The following PTPN14 variants were observed in gnomAD, a reference collection of about 807,000 sequenced individuals.
The protein encoded by PTPN14 is protein tyrosine phosphatase non-receptor type 14.
A neutral mutation model predicts 126.8 loss-of-function variants in PTPN14; 53 were observed. That is an observed-to-expected ratio of 0.42 (90% CI 0.34 to 0.53). The LOEUF (loss-of-function observed/expected upper bound fraction) is 0.53. Among genes scored for constraint, PTPN14 ranks in the 20% least tolerant of loss-of-function variants. The pLI is 0.08. For missense variants in PTPN14, 1,257 were observed against 1,552.9 expected (o/e 0.81, Z 3.20); for synonymous variants, 630 against 599.3 (o/e 1.05, Z -0.75).
chr1:214,461,411 T>A (rs2102647824), intron 2 of PTPN14, among the ~76,000 whole-genome samples: 1 of 151,958 alleles, frequency 6.6e-6, no homozygotes, highest in Admixed American at 6.6e-5. Context: ...GGCGGGAGGA[T>A]CACTCGAGCC....
intron 1 of PTPN14, among the ~76,000 whole-genome samples, chr1:214,470,299 T>C (rs1043252016): frequency 2.0e-5 from 3 of 151,924 alleles, no homozygotes; most frequent in Admixed American, 2.0e-4. Context: ...AAGTAAAATA[T>C]AGATCATAAA....
At chr1:214,431,766 G>A (rs1257083144) in intron 3 of PTPN14, among the ~76,000 whole-genome samples, 2 of 152,162 alleles carry the variant, frequency 1.3e-5, no homozygotes, top group Non-Finnish European at 2.9e-5. Context: ...TGTGAAATCA[G>A]AATAATAGTA....
chr1:214,544,037 G>A (rs1263428279), intron 1 of PTPN14, among the ~76,000 whole-genome samples: 1 of 152,220 alleles, frequency 6.6e-6, no homozygotes, highest in Non-Finnish European at 1.5e-5. Context: ...CCCTACCAGA[G>A]AGGCTTGTAA....
At chr1:214,465,081 G>A (rs1036585445) in intron 1 of PTPN14, 124 bp from the exon 2 acceptor site, 2 of 400,428 alleles carry the variant, frequency 5.0e-6, no homozygotes, top group Non-Finnish European at 9.1e-6. Context: ...ACTCAGGTTT[G>A]ATAAGCTGCA....
intron 3 of PTPN14, among the ~76,000 whole-genome samples, chr1:214,438,780 T>TA (rs1659975503): frequency 6.6e-6 from 1 of 152,234 alleles, no homozygotes; most frequent in Admixed American, 6.5e-5. Flanking sequence ...AGGTGACTGA[T>TA]ACCAGCACAG....
intron 7 of PTPN14, among the ~76,000 whole-genome samples, chr1:214,400,251 AC>A (rs1178873854): frequency 6.6e-6 from 1 of 151,202 alleles, no homozygotes; most frequent in Admixed American, 6.6e-5. Flanking sequence ...CCACATTACC[AC>A]CCCCCACTGG....
At chr1:214,523,915 T>C (rs1184191246) in intron 1 of PTPN14, among the ~76,000 whole-genome samples, 2 of 148,514 alleles carry the variant, frequency 1.3e-5, no homozygotes, top group African/African-American at 2.5e-5. Flanking sequence ...AGTGGTACAA[T>C]CTCGGCTCTC....
At chr1:214,365,767 C>CACT (rs745693275) in intron 17 of PTPN14, among the ~76,000 whole-genome samples, 8 of 151,928 alleles carry the variant, frequency 5.3e-5, no homozygotes, top group Admixed American at 2.0e-4. Context: ...CTATTATTAT[C>CACT]ACTACTACTA....
chr1:214,533,927 A>C (rs544462866), intron 1 of PTPN14, among the ~76,000 whole-genome samples: 1 of 152,056 alleles, frequency 6.6e-6, no homozygotes, highest in African/African-American at 2.4e-5. Flanking sequence ...AGGAGGATGA[A>C]AATGAGTTGT....
intron 1 of PTPN14, among the ~76,000 whole-genome samples, chr1:214,526,235 G>A (rs959901529): frequency 6.6e-6 from 1 of 152,082 alleles, no homozygotes; most frequent in Non-Finnish European, 1.5e-5. Flanking sequence ...CAAAGTGCTG[G>A]GATTACAGGC....
chr1:214,411,748 T>A lies in PTPN14; in HGVS notation c.446A>T (p.Asp149Val). The change falls in exon 5 of 19, where the codon GAT (aspartate) becomes GTT (valine). Residue 149 changes from aspartate (D) to valine (V), a missense_variant. Asp to Val is a radical substitution (Grantham distance 152, BLOSUM62 -3). This residue lies in a region of PTPN14 where 1,021 missense variants were observed against 1,183.3 expected (regional missense o/e 0.86). Coordinates refer to ENST00000366956, the MANE Select transcript of PTPN14 (RefSeq NM_005401.5). The stretch of plus-strand genomic sequence containing the variant: ...ATCAAACTGATTATAGTCTCCAAAA[T>A]CAGCTGAGAAGAAAAGAAGATGGAA... ...IRLAGLAVQA[D>V]FGDYNQFDSQ... 1 of 1,504,846 alleles carries A rather than the reference T, an allele frequency of 6.6e-7. No individual in the cohort carries two copies. The highest frequency in any genetic ancestry group is 1.4e-5 in the African/African-American group (1 of 71,392). 93.2% of individuals were successfully genotyped at this position (1,504,846 alleles called of 1,614,324 possible).
At chr1:214,395,702 G>A (rs1235847990) in intron 8 of PTPN14, among the ~76,000 whole-genome samples, 5 of 151,370 alleles carry the variant, frequency 3.3e-5, no homozygotes, top group African/African-American at 9.7e-5. Context: ...AGCACCAGAT[G>A]AGGAAAGATA....
At chr1:214,431,881 T>G (rs1659804606) in intron 3 of PTPN14, among the ~76,000 whole-genome samples, 1 of 152,166 alleles carries the variant, frequency 6.6e-6, no homozygotes, top group Non-Finnish European at 1.5e-5. Context: ...GTCATCATTG[T>G]TAATATTAAG....
intron 1 of PTPN14, among the ~76,000 whole-genome samples, chr1:214,471,542 T>C (rs935501705): frequency 6.6e-6 from 1 of 151,716 alleles, no homozygotes; most frequent in African/African-American, 2.4e-5. Context: ...ATGCTAGGTT[T>C]GCTCAAAGCA....
At chr1:214,361,974 C>T (rs1657966050) in intron 18 of PTPN14, among the ~76,000 whole-genome samples, 1 of 152,170 alleles carries the variant, frequency 6.6e-6, no homozygotes, top group African/African-American at 2.4e-5. Context: ...AAGGCCATTT[C>T]ATTGACAGAA....
At chr1:214,520,061 A>ATATATAT (rs1479124640) in intron 1 of PTPN14, among the ~76,000 whole-genome samples, 8 of 80,026 alleles carry the variant, frequency 1.0e-4, no homozygotes, top group Admixed American at 8.6e-4. Context: ...AAAAAAAAAA[A>ATATATAT]AAAAATATAT....
intron 3 of PTPN14, among the ~76,000 whole-genome samples, chr1:214,441,147 C>T (rs1203960646): frequency 6.6e-6 from 1 of 152,200 alleles, no homozygotes; most frequent in African/African-American, 2.4e-5. Flanking sequence ...AGAGAAAAAA[C>T]TTCTGTTATT....
intron 13 of PTPN14, among the ~76,000 whole-genome samples, chr1:214,378,589 C>T (rs1658400392): frequency 6.6e-6 from 1 of 152,220 alleles, no homozygotes; most frequent in Non-Finnish European, 1.5e-5. Flanking sequence ...AGAGGAAAAT[C>T]TTCCTAAGTT....
intron 1 of PTPN14, chr1:214,533,334 C>T (rs1050806679): frequency 2.4e-4 from 126 of 518,942 alleles, no homozygotes; most frequent in Middle Eastern, 5.7e-4. Context: ...TGCTGGAAGA[C>T]GGTGAGGACT....
Sources: allele counts gnomAD v4.1 joint callset (sites outside exome capture counted in the v4.1 genomes callset), GRCh38; gene constraint gnomAD v4.1.1; regional missense constraint gnomAD v4.1.1; transcripts MANE v1.5; gene names NCBI Gene and HGNC (gene_info 2026-07-23, HGNC 2026-07-21).